The following ISYNA1 variants were observed in gnomAD, a reference collection of about 807,000 sequenced individuals.
ISYNA1 encodes MI-1-P synthase.
In ISYNA1, 34 loss-of-function variants were observed where a neutral mutation model predicts 50.3. The ratio of observed to expected loss-of-function variants is 0.68; its 90% confidence interval spans 0.51 to 0.90. The LOEUF is 0.90. ISYNA1 is among the 40% of genes least tolerant of loss of function. The pLI, the probability that ISYNA1 is intolerant of heterozygous loss-of-function variation, is 0.00. For missense variants in ISYNA1, 718 were observed against 784.8 expected, an observed-to-expected ratio of 0.91 and a Z score of 1.02; for synonymous variants, 396 against 349.9, an observed-to-expected ratio of 1.13 and a Z score of -1.47.
Position 18,436,441 on chromosome 19 carries a change from A to G in ISYNA1, c.648T>C (p.Ser216=), listed in dbSNP as rs1228837661. The G allele has an allele frequency of 2.5e-6, 4 of 1,609,020 alleles. 1 individual carries two copies. In the Admixed American group the frequency reaches 5.0e-5, roughly 20 times the overall value. ...QIRRDIRDFR[S]SAGLDKVIVL... is the part of the protein sequence containing the mutation. ...CTATGACTTTGTCCAGCCCCGCGCT[A>G]GACCGGAAGTCTCGGATGTCCCTGC... is the stretch of plus-strand genomic sequence containing the variant. Residue 216 remains serine, a synonymous_variant, in exon 6 of 11, where the codon TCT becomes TCC. Transcript: ENST00000338128.
At position 18,438,012 on chromosome 19, in the gene ISYNA1, G is replaced by A. The variant is rs1411351499; in HGVS notation, c.-9-24C>T. ...GGCTGGGGGCCCGGGGTGAGCAGGG[G>A]GTCAGCGGGGACTCTAAGCGGCCGG... On this transcript the variant is annotated intron_variant, in intron 1 of 10. Transcript: ENST00000338128. 3.9e-6 allele frequency: 6 copies of A among 1,537,916 alleles called. No homozygotes were observed. In the South Asian group the frequency reaches 7.2e-5, roughly 18 times the overall value.
chr19:18,435,111 G>C lies in ISYNA1; in HGVS notation c.1479C>G (p.Cys493Trp), dbSNP rs1427992490. Residue 493 changes from cysteine (C) to tryptophan (W), a missense_variant, in exon 11 of 11, where the codon TGC (cysteine) becomes TGG (tryptophan). Cys to Trp is a radical substitution (Grantham distance 215). Coordinates refer to ENST00000338128, the MANE Select transcript of ISYNA1 (RefSeq NM_016368.5). ...RSCIENILRA[C>W]VGLPPQNHML... is the part of the protein sequence containing the mutation. Reference sequence around the variant, plus strand: ...TGTGGTTCTGTGGCGGGAGCCCCACGCAGGCCCTGGAGAGGTCACACAGCT... The same window carrying C: ...TGTGGTTCTGTGGCGGGAGCCCCACCCAGGCCCTGGAGAGGTCACACAGCT... The C allele has an allele frequency of 1.2e-6, 2 of 1,612,970 alleles. No individual in the cohort carries two copies. The highest frequency in any genetic ancestry group is 1.7e-5 in the Admixed American group (1 of 59,984).
rs1353017202 is a variant in ISYNA1 at position 18,434,872 on chromosome 19, G to A, written c.*41C>T. On this transcript the variant is annotated 3_prime_UTR_variant, in exon 11 of 11. Coordinates refer to ENST00000338128, the MANE Select transcript of ISYNA1 (RefSeq NM_016368.5). ...GGCCTTCAAGGTAGGGTCGTGGGGG[G>A]CAGCGGGGAGGAAGAGCCGAGAAAC... 3.2e-6 allele frequency: 5 copies of A among 1,549,226 alleles called. No individual in the cohort carries two copies. Among genetic ancestry groups the A allele is most frequent in the Non-Finnish European group, 4.4e-6 (5 of 1,124,126 alleles).
chr19:18,436,885 G>A lies in ISYNA1; in HGVS notation c.416-8C>T, dbSNP rs761294933. 1.9e-6 allele frequency: 3 copies of A among 1,595,622 alleles called. No homozygotes were observed. The South Asian group carries it at 3.4e-5, about 18-fold the overall frequency. ...GCGACGAGATGTCCCAGCCTGGGGG[G>A]ACCCTCACACTCGGCCCTGCCCGGA... On this transcript the variant is annotated splice_region_variant and splice_polypyrimidine_tract_variant and intron_variant, in intron 4 of 10. Coordinates refer to ENST00000338128, the MANE Select transcript of ISYNA1 (RefSeq NM_016368.5).
At position 18,434,782 on chromosome 19, in the gene ISYNA1, C is replaced by T; in HGVS notation, c.*131G>A. Reference sequence around the variant, plus strand: ...TCGGGGAAGTAGAGGGAGGCAGAGTCAGGTCACAGGCCCCAAGAACCCCAG... The same window carrying T: ...TCGGGGAAGTAGAGGGAGGCAGAGTTAGGTCACAGGCCCCAAGAACCCCAG... On this transcript the variant is annotated 3_prime_UTR_variant, in exon 11 of 11. Transcript: ENST00000338128. 2.7e-6 allele frequency: 2 copies of T among 748,682 alleles called. No individual in the cohort carries two copies. Among genetic ancestry groups the T allele is most frequent in the Admixed American group, 2.3e-5 (1 of 43,892 alleles). 46.4% of individuals were successfully genotyped at this position (748,682 alleles called of 1,614,324 possible). A position where few individuals can be genotyped will look rare whatever the true frequency, so the allele number is the denominator to read the frequency against.
rs1036677116 is a variant in ISYNA1 at position 18,434,599 on chromosome 19, A to C, written c.*314T>G. 70 of 520,602 alleles carry C rather than the reference A, an allele frequency of 1.3e-4. No homozygotes were observed. The highest frequency in any genetic ancestry group is 1.4e-4 in the Admixed American group (4 of 27,732). 32.2% of individuals were successfully genotyped at this position (520,602 alleles called of 1,614,324 possible). On this transcript the variant is annotated 3_prime_UTR_variant, in exon 11 of 11. Coordinates refer to ENST00000338128, the MANE Select transcript of ISYNA1 (RefSeq NM_016368.5). ...ATTCCCTCTTTGGCCTTCTGCCACC[A>C]CACTCTCCACCCTGTGGTCTTGTTC...
rs756980191 is a variant in ISYNA1 at position 18,437,725 on chromosome 19, G to T, written c.156C>A (p.Thr52=). ...HPTSTRFTFR[T]ARQVPRLGVM... is the part of the protein sequence containing the mutation. ...CCCCGAGCCGGGGCACCTGCCGGGC[G>T]GTCCGGAAGGTGAAGCGCGTGGACG... The change falls in exon 3 of 11, where the codon ACC becomes ACA. Residue 52 remains threonine, a synonymous_variant. Transcript: ENST00000338128. 1.3e-6 allele frequency: 2 copies of T among 1,565,472 alleles called. No homozygotes were observed. Among genetic ancestry groups the T allele is most frequent in the African/African-American group, 1.4e-5 (1 of 74,050 alleles).
Position 18,434,819 on chromosome 19 carries a change from G to T in ISYNA1, c.*94C>A. 1 of 1,063,292 alleles carries T rather than the reference G, an allele frequency of 9.4e-7. No individual in the cohort carries two copies. Among genetic ancestry groups the T allele is most frequent in the Non-Finnish European group, 1.4e-6 (1 of 699,220 alleles). The allele number at this position is 1,063,292 out of a possible 1,614,324, so 65.9% of individuals were successfully genotyped here. A position where few individuals can be genotyped will look rare whatever the true frequency, so the allele number is the denominator to read the frequency against. On this transcript the variant is annotated 3_prime_UTR_variant, in exon 11 of 11. Coordinates refer to ENST00000338128, the MANE Select transcript of ISYNA1 (RefSeq NM_016368.5). ...CCCAAGAACCCCAGGTGGAAGGAGG[G>T]CTGAGTGGCAGCGCCTTTATTTGTG...
rs778890208 is a variant in ISYNA1, at chr19:18,436,717, C to A, written c.576G>T (p.Ala192=). ...CACGCGAGCCTGGGATGAGGTTGTCCGCGCGCGCGCTCTGGTTGGCCGCGA... is the reference window on the plus strand; with the variant it reads ...CACGCGAGCCTGGGATGAGGTTGTCAGCGCGCGCGCTCTGGTTGGCCGCGA... The part of the protein sequence containing the change: ...EFIAANQSAR[A]DNLIPGSRAQ... Residue 192 remains alanine (A), a synonymous_variant, in exon 5 of 11, where the codon GCG becomes GCT. Transcript: ENST00000338128. The A allele has an allele frequency of 4.2e-5, 66 of 1,557,812 alleles. 1 individual carries two copies. The highest frequency in any genetic ancestry group is 5.5e-5 in the Non-Finnish European group (64 of 1,154,836).
chr19:18,435,746 G>C lies in ISYNA1; in HGVS notation c.1140+11C>G, dbSNP rs760638547. 28 of 1,611,704 alleles carry C rather than the reference G, an allele frequency of 1.7e-5. No homozygotes were observed. The Admixed American group carries it at 3.8e-4, about 22-fold the overall frequency. ...CGGGCAACCCCGCGCCCGCGCCCGCGCCCCACGCACGCAGTGGTCAGGCTC... is the reference window on the plus strand; with the variant it reads ...CGGGCAACCCCGCGCCCGCGCCCGCCCCCCACGCACGCAGTGGTCAGGCTC... On this transcript the variant is annotated intron_variant, in intron 8 of 10. Coordinates refer to ENST00000338128, the MANE Select transcript of ISYNA1 (RefSeq NM_016368.5).
At position 18,437,692 on chromosome 19, in the gene ISYNA1, A is replaced by T. The variant is rs1268472594; in HGVS notation, c.189T>A (p.Leu63=). 4.5e-6 allele frequency: 7 copies of T among 1,551,550 alleles called. No individual in the cohort carries two copies. Among genetic ancestry groups the T allele is most frequent in the Non-Finnish European group, 6.1e-6 (7 of 1,151,422 alleles). The change falls in exon 3 of 11, where the codon CTT becomes CTA. Residue 63 remains leucine, a synonymous_variant. Coordinates refer to ENST00000338128, the MANE Select transcript of ISYNA1 (RefSeq NM_016368.5). ...ARQVPRLGVM[L]VGWGGNNGST... ...AGCCGTTGTTCCCGCCCCAGCCGAC[A>T]AGCATGACCCCGAGCCGGGGCACCT...
Position 18,437,100 on chromosome 19 carries a change from G to A in ISYNA1, c.288C>T (p.Ala96=). 1 of 1,579,530 alleles carries A rather than the reference G, an allele frequency of 6.3e-7. No homozygotes were observed. The highest frequency in any genetic ancestry group is 8.6e-7 in the Non-Finnish European group (1 of 1,164,502). Residue 96 remains alanine, a synonymous_variant, in exon 4 of 11, where the codon GCC becomes GCT. Transcript: ENST00000338128. ...SWPTRSGRKE[A]NYYGSLTQAG... The stretch of plus-strand genomic sequence containing the variant: ...CCTGAGTCAGCGAGCCGTAGTAGTT[G>A]GCCTCCTGGGGGTCAGCAGACACGG...
At chr19:18,435,200 C>A (rs1383687165) in intron 10 of ISYNA1, 66 bp downstream of exon 10, 2 of 1,592,622 alleles carry the variant, frequency 1.3e-6, no homozygotes, top group Admixed American at 1.7e-5. Context: ...GCCCCCCAAG[C>A]CCTGTGCATA....
At position 18,434,815 on chromosome 19, in the gene ISYNA1, G is replaced by C; in HGVS notation, c.*98C>G. On this transcript the variant is annotated 3_prime_UTR_variant, in exon 11 of 11. Coordinates refer to ENST00000338128, the MANE Select transcript of ISYNA1 (RefSeq NM_016368.5). ...AGGCCCCAAGAACCCCAGGTGGAAG[G>C]AGGGCTGAGTGGCAGCGCCTTTATT... 1 of 1,022,812 alleles carries C rather than the reference G, an allele frequency of 9.8e-7. No individual in the cohort carries two copies. Among genetic ancestry groups the C allele is most frequent in the South Asian group, 1.4e-5 (1 of 72,676 alleles). 63.4% of individuals were successfully genotyped at this position (1,022,812 alleles called of 1,614,324 possible). A position where few individuals can be genotyped will look rare whatever the true frequency, so the allele number is the denominator to read the frequency against.
chr19:18,436,199 G>A lies in ISYNA1; in HGVS notation c.808C>T (p.Leu270=), dbSNP rs1475496008. 1.2e-6 allele frequency: 2 copies of A among 1,611,264 alleles called. No individual in the cohort carries two copies. Among genetic ancestry groups the A allele is most frequent in the South Asian group, 1.1e-5 (1 of 91,082 alleles). Residue 270 remains leucine (L), a synonymous_variant, in exon 7 of 11, where the codon CTG becomes TTG. Transcript: ENST00000338128. ...PSTLFAVASI[L]EGCAFLNGSP... Reference sequence around the variant, plus strand: ...CCATTGAGGAAGGCACAGCCCTCCAGGATGCTGGCCACGGCGAAGAGCGTG... The same window carrying A: ...CCATTGAGGAAGGCACAGCCCTCCAAGATGCTGGCCACGGCGAAGAGCGTG...
Position 18,434,949 on chromosome 19 carries a change from C to T in ISYNA1, c.1641G>A (p.Gly547=), listed in dbSNP as rs954500894. Residue 547 remains glycine, a synonymous_variant, in exon 11 of 11, where the codon GGG becomes GGA. Transcript: ENST00000338128. The stretch of plus-strand genomic sequence containing the variant: ...GCATTGGGGGCTCCTCTTGCAGATG[C>T]CCATTGGCATCACCGGTGCAGCCAT... The part of the protein sequence containing the change: ...ATNGCTGDAN[G]HLQEEPPMPT... 5 of 1,613,374 alleles carry T rather than the reference C, an allele frequency of 3.1e-6. No homozygotes were observed. The African/African-American group carries it at 6.7e-5, about 22-fold the overall frequency.
At position 18,437,007 on chromosome 19, in the gene ISYNA1, C is replaced by T; in HGVS notation, c.381G>A (p.Leu127=). 1 of 1,606,424 alleles carries T rather than the reference C, an allele frequency of 6.2e-7. No individual in the cohort carries two copies. The highest frequency in any genetic ancestry group is 8.5e-7 in the Non-Finnish European group (1 of 1,177,284). Residue 127 remains leucine, a synonymous_variant, in exon 4 of 11, where the codon CTG becomes CTA. Transcript: ENST00000338128. The part of the protein sequence containing the change: ...QEVFVPFSAV[L]PMVAPNDLVF... ...CGAGGTCGTTGGGCGCCACCATGGG[C>T]AGCACCGCGCTGAAGGGTACGAACA... is the stretch of plus-strand genomic sequence containing the variant.
chr19:18,435,346 G>A lies in ISYNA1; in HGVS notation c.1392C>T (p.Phe464=), dbSNP rs369815519. Residue 464 remains phenylalanine (F), a synonymous_variant, in exon 10 of 11, where the codon TTC becomes TTT. Transcript: ENST00000338128. The stretch of plus-strand genomic sequence containing the variant: ...TGCCGGGCGGCACTAGTGGCGCCTT[G>A]AAGAGGAAGCTGAGCAGGGACAGCA... ...HPVLSLLSFL[F]KAPLVPPGSP... 1 of 1,610,596 alleles carries A rather than the reference G, an allele frequency of 6.2e-7. No homozygotes were observed. The highest frequency in any genetic ancestry group is 8.5e-7 in the Non-Finnish European group (1 of 1,180,000).
At position 18,435,831 on chromosome 19, in the gene ISYNA1, TGGACACC is replaced by T; in HGVS notation, c.1059_1065del (p.Val354ArgfsTer48). On this transcript the variant is annotated frameshift_variant, in exon 8 of 11. Transcript: ENST00000338128. LOFTEE classifies it high-confidence loss of function. The stretch of plus-strand genomic sequence containing the variant: ...ACCATGTCGTCCACCACGTTGCTCT[TGGACACC>T]TCCTTAGAGCGGAACTGCAATGGCG... 6.2e-7 allele frequency: 1 copy of T among 1,613,986 alleles called. No homozygotes were observed. Among genetic ancestry groups the T allele is most frequent in the Non-Finnish European group, 8.5e-7 (1 of 1,179,954 alleles).
Sources: gnomAD v4.1 joint callset for allele counts on GRCh38, gnomAD v4.1.1 for gene constraint, MANE v1.5 for transcripts, NCBI Gene and HGNC (gene_info 2026-07-23, HGNC 2026-07-21) for gene names.